The following UNC13B variants were observed in gnomAD, a reference collection of about 807,000 sequenced individuals.
UNC13B encodes unc-13 homolog B.
UNC13B carries 144 observed loss-of-function variants against 211.0 expected under a neutral mutation model. That is an observed-to-expected ratio of 0.68 (90% confidence interval 0.60 to 0.78). The LOEUF (loss-of-function observed/expected upper bound fraction) is 0.78, where lower values mean the gene tolerates loss of function less well. UNC13B is among the 30% of genes least tolerant of loss of function. The probability of loss-of-function intolerance (pLI) is 0.00; values close to 1 mark genes in which losing one functional copy is unlikely to be tolerated. For synonymous variants in UNC13B, 709 were observed against 725.8 expected (o/e 0.98, Z 0.37); for missense variants, 1,777 against 2,002.0 (o/e 0.89, Z 2.14).
intron 1 of UNC13B, among the ~76,000 whole-genome samples, chr9:35,206,393 A>G (rs1248206790): frequency 6.6e-6 from 1 of 151,958 alleles, no homozygotes; most frequent in Non-Finnish European, 1.5e-5. Flanking sequence ...CTTTCCCTCT[A>G]TCCCCTGGTA....
chr9:35,389,061 A>G (rs558803107), intron 24 of UNC13B, among the ~76,000 whole-genome samples: 35 of 152,202 alleles, frequency 2.3e-4, no homozygotes, highest in Admixed American at 5.2e-4. Context: ...GACATATGAC[A>G]TCCCACATAA....
chr9:35,294,251 T>C (rs1829239170), intron 7 of UNC13B, among the ~76,000 whole-genome samples: 1 of 152,206 alleles, frequency 6.6e-6, no homozygotes, highest in Non-Finnish European at 1.5e-5. Flanking sequence ...TGAGCAATTG[T>C]AAAAGCCTAA....
intron 16 of UNC13B, 38 bp downstream of exon 16, chr9:35,377,733 G>A (rs774394897): frequency 1.3e-6 from 2 of 1,595,658 alleles, no homozygotes; most frequent in African/African-American, 2.7e-5. Flanking sequence ...GGAAGGCCTG[G>A]GCTATGGGGA....
intron 6 of UNC13B, among the ~76,000 whole-genome samples, chr9:35,245,655 C>T (rs981581391): frequency 6.6e-6 from 1 of 151,930 alleles, no homozygotes; most frequent in African/African-American, 2.4e-5. Flanking sequence ...CCAGCTTCAT[C>T]CATGTCCCTA....
At chr9:35,292,411 T>C (rs1829145029) in intron 7 of UNC13B, among the ~76,000 whole-genome samples, 1 of 152,218 alleles carries the variant, frequency 6.6e-6, no homozygotes, top group African/African-American at 2.4e-5. Context: ...CAAAAATATA[T>C]AGCCTTTCCT....
intron 6 of UNC13B, among the ~76,000 whole-genome samples, chr9:35,258,389 G>A (rs563428391): frequency 5.3e-5 from 8 of 152,224 alleles, no homozygotes; most frequent in South Asian, 2.1e-4. Flanking sequence ...TCCTTTTATG[G>A]AACATTGTCT....
rs1564126534 is a variant in UNC13B at position 35,308,430 on chromosome 9, G to T, written c.9008+18G>T. ...AACAAAAGGCCTGTTCTTAACTCAAGCATCATAAATGGCTTTAAGGAATTG... is the reference window on the plus strand; with the variant it reads ...AACAAAAGGCCTGTTCTTAACTCAATCATCATAAATGGCTTTAAGGAATTG... On this transcript the variant is annotated intron_variant, in intron 9 of 39. Transcript: ENST00000635942. 4 of 398,802 alleles carry T rather than the reference G, an allele frequency of 1.0e-5. No homozygotes were observed. Among genetic ancestry groups the T allele is most frequent in the Non-Finnish European group, 1.8e-5 (4 of 226,026 alleles). 24.7% of individuals were successfully genotyped at this position (398,802 alleles called of 1,614,324 possible).
At chr9:35,319,389 T>G (rs1277158616) in intron 11 of UNC13B, among the ~76,000 whole-genome samples, 2 of 104,246 alleles carry the variant, frequency 1.9e-5, no homozygotes, top group Non-Finnish European at 3.4e-5. Context: ...GGTGACAGAG[T>G]GAGACCCTAT....
chr9:35,397,991 A>C (rs1433435904), intron 30 of UNC13B, among the ~76,000 whole-genome samples: 2 of 152,190 alleles, frequency 1.3e-5, no homozygotes, highest in Non-Finnish European at 2.9e-5. Context: ...ATAAAGGATA[A>C]TACATTAATA....
chr9:35,298,411 ACT>A (rs991606555), intron 8 of UNC13B, among the ~76,000 whole-genome samples: 3 of 152,094 alleles, frequency 2.0e-5, no homozygotes, highest in Non-Finnish European at 2.9e-5. Flanking sequence ...ACAGAGCAAG[ACT>A]CTGTCTCAGT....
chr9:35,391,332 C>A lies in UNC13B; in HGVS notation c.11308+618C>A, dbSNP rs375870733. ...CCTATCTGTACCCATCTGTACTCAC[C>A]TATTTAGCAGCGTTTCCTGCCATTT... On this transcript the variant is annotated intron_variant, in intron 26 of 39. Coordinates refer to ENST00000635942, the MANE Select transcript of UNC13B (RefSeq NM_001371189.2). Among the ~76,000 whole-genome samples the A allele has an allele frequency of 6.3e-4, 96 of 152,310 alleles. 1 individual carries two copies. In the South Asian group the frequency reaches 0.015, roughly 24 times the overall value.
At chr9:35,295,050 GGT>G (rs1447596384) in intron 7 of UNC13B, among the ~76,000 whole-genome samples, 1 of 152,138 alleles carries the variant, frequency 6.6e-6, no homozygotes, top group Non-Finnish European at 1.5e-5. Context: ...CTAGGGTGTA[GGT>G]GCTTGACAGG....
chr9:35,400,291 T>G lies in UNC13B; in HGVS notation c.12337-5T>G. 1 of 1,613,516 alleles carries G rather than the reference T, an allele frequency of 6.2e-7. No individual in the cohort carries two copies. Among genetic ancestry groups the G allele is most frequent in the Non-Finnish European group, 8.5e-7 (1 of 1,179,654 alleles). On this transcript the variant is annotated splice_region_variant and splice_polypyrimidine_tract_variant and intron_variant, in intron 36 of 39. Coordinates refer to ENST00000635942, the MANE Select transcript of UNC13B (RefSeq NM_001371189.2). The stretch of plus-strand genomic sequence containing the variant: ...AGCAGTCACGGGTGCTCTTTTATCT[T>G]GCAGCAATACTTCCATGCAGGAGGC...
At chr9:35,270,334 T>C (rs1827803060) in intron 7 of UNC13B, among the ~76,000 whole-genome samples, 1 of 100,112 alleles carries the variant, frequency 1.0e-5, no homozygotes, top group Non-Finnish European at 2.3e-5. Flanking sequence ...TCTCTATGTA[T>C]ATATATGTGT....
intron 11 of UNC13B, chr9:35,353,790 C>T: frequency 2.4e-6 from 3 of 1,231,958 alleles, no homozygotes; most frequent in African/African-American, 1.5e-5. Flanking sequence ...AACCGTCTCT[C>T]AGTAGAAGAC....
chr9:35,283,130 C>T (rs1828602342), intron 7 of UNC13B, among the ~76,000 whole-genome samples: 3 of 152,124 alleles, frequency 2.0e-5, no homozygotes, highest in African/African-American at 7.2e-5. Context: ...ATGAATCTCC[C>T]ATCCTCTATT....
At chr9:35,326,777 GTAAA>G (rs1831041739) in intron 11 of UNC13B, among the ~76,000 whole-genome samples, 1 of 152,190 alleles carries the variant, frequency 6.6e-6, no homozygotes, top group Non-Finnish European at 1.5e-5. Flanking sequence ...TTAAAGATAT[GTAAA>G]TATGATCTCT....
chr9:35,344,385 C>G (rs116324781), intron 11 of UNC13B, among the ~76,000 whole-genome samples: 1,670 of 152,216 alleles, frequency 0.011, 26 homozygotes, highest in African/African-American at 0.038. Context: ...AGAAGGAAAC[C>G]TAGAACTTGA....
chr9:35,222,359 G>A (rs1421345503), intron 1 of UNC13B, among the ~76,000 whole-genome samples: 2 of 151,986 alleles, frequency 1.3e-5, no homozygotes, highest in Non-Finnish European at 2.9e-5. Flanking sequence ...TAACTTACAG[G>A]CCTTACATTT....
Sources: allele counts gnomAD v4.1 joint callset (sites outside exome capture counted in the v4.1 genomes callset), GRCh38; gene constraint gnomAD v4.1.1; transcripts MANE v1.5; gene names NCBI Gene and HGNC (gene_info 2026-07-23, HGNC 2026-07-21).